SCN4B: variants seen among roughly 807,000 people sequenced by gnomAD.
SCN4B encodes sodium channel regulatory subunit beta-4.
In SCN4B, 20 loss-of-function variants were observed where a neutral mutation model predicts 19.6. The ratio of observed to expected loss-of-function variants is 1.02; its 90% CI spans 0.72 to 1.48. SCN4B has a LOEUF of 1.48. Ranked by LOEUF, SCN4B falls within the 40% of genes most tolerant of loss-of-function variation. The probability of loss-of-function intolerance (pLI) is 0.00; values close to 1 mark genes in which losing one functional copy is unlikely to be tolerated. For synonymous variants in SCN4B, 127 were observed against 122.8 expected, an observed-to-expected ratio of 1.03 and a Z score of -0.22; for missense variants, 271 against 287.5, an observed-to-expected ratio of 0.94 and a Z score of 0.42.
At chr11:118,138,231 C>T (rs967821472) in intron 4 of SCN4B, among the ~76,000 whole-genome samples, 6 of 152,200 alleles carry the variant, frequency 3.9e-5, no homozygotes, top group African/African-American at 9.7e-5. Context: ...TCACCCTGGG[C>T]TTGGGCAGCT....
Position 118,148,850 on chromosome 11 carries a change from TTTC to T in SCN4B, c.62-3624_62-3622del, listed in dbSNP as rs1161678681. On this transcript the variant is annotated intron_variant, in intron 1 of 4. Transcript: ENST00000324727. The surrounding 1 kb of genome is among the most constrained non-coding windows in gnomAD (Gnocchi z 4.0). The stretch of plus-strand genomic sequence containing the variant: ...AGTAAAGAAAGCCTTGCTTTGCTGT[TTTC>T]TAAAGTTAATTCTAGAATGTTAAAG... Among the ~76,000 whole-genome samples, 3 of 152,232 alleles carry T rather than the reference TTTC, an allele frequency of 2.0e-5. No individual in the cohort carries two copies. The highest frequency in any genetic ancestry group is 7.2e-5 in the African/African-American group (3 of 41,452).
At chr11:118,140,013 C>G (rs945791791) in intron 4 of SCN4B, among the ~76,000 whole-genome samples, 6 of 151,426 alleles carry the variant, frequency 4.0e-5, no homozygotes, top group Admixed American at 3.3e-4. Context: ...GCTGGGACTT[C>G]AGGCACACAC....
intron 2 of SCN4B, 117 bp downstream of exon 2, chr11:118,144,940 A>G: frequency 9.9e-7 from 1 of 1,007,150 alleles, no homozygotes; most frequent in South Asian, 1.3e-5. Flanking sequence ...AAAGGGTGGC[A>G]AAAGGTGGGT....
At position 118,137,037 on chromosome 11, in the gene SCN4B, G is replaced by A; in HGVS notation, c.677C>T (p.Ser226Leu). 6.2e-7 allele frequency: 1 copy of A among 1,612,922 alleles called. No homozygotes were observed. The highest frequency in any genetic ancestry group is 8.5e-7 in the Non-Finnish European group (1 of 1,178,870). The change falls in exon 5 of 5, where the codon TCA becomes TTA. Residue 226 changes from serine (S) to leucine (L), a missense_variant. By Grantham distance (145) the Ser-to-Leu change is moderately radical. Coordinates refer to ENST00000324727, the MANE Select transcript of SCN4B (RefSeq NM_174934.4). ...AGCCCGAAGCAGGGCTCACACTTTT[G>A]AAGGTGGTTTCTCCTCTGCCTTGGA... ...PGSKAEEKPP[S>L]KV
intron 1 of SCN4B, among the ~76,000 whole-genome samples, chr11:118,146,397 T>A (rs1591437533): frequency 6.6e-6 from 1 of 151,960 alleles, no homozygotes; most frequent in Non-Finnish European, 1.5e-5. Context: ...GGGGAGGGTG[T>A]CTGGAAGTGG....
At chr11:118,146,046 G>A (rs1192926159) in intron 1 of SCN4B, among the ~76,000 whole-genome samples, 1 of 152,110 alleles carries the variant, frequency 6.6e-6, no homozygotes, top group Non-Finnish European at 1.5e-5. Context: ...AGGGATTCCG[G>A]GCCAGCCCGA....
At position 118,134,808 on chromosome 11, in the gene SCN4B, CA is replaced by C. The variant is rs1947972644; in HGVS notation, c.*2218del. 2.2e-6 allele frequency: 1 copy of C among 453,992 alleles called. No individual in the cohort carries two copies. Among genetic ancestry groups the C allele is most frequent in the Admixed American group, 2.3e-5 (1 of 42,576 alleles). The allele number at this position is 453,992 out of a possible 1,614,324, so 28.1% of individuals were successfully genotyped here. A position where few individuals can be genotyped will look rare whatever the true frequency, so the allele number is the denominator to read the frequency against. On this transcript the variant is annotated 3_prime_UTR_variant, in exon 5 of 5. Coordinates refer to ENST00000324727, the MANE Select transcript of SCN4B (RefSeq NM_174934.4). ...TGGCTTCCCAGATCCCTTTCCAAGCCAAAAAGATGTTTTTAGACAAAACTTG... is the reference window on the plus strand; with the variant it reads ...TGGCTTCCCAGATCCCTTTCCAAGCCAAAAGATGTTTTTAGACAAAACTTG...
At chr11:118,137,392 C>T (rs1948030677) in intron 4 of SCN4B, among the ~76,000 whole-genome samples, 1 of 152,160 alleles carries the variant, frequency 6.6e-6, no homozygotes, top group Non-Finnish European at 1.5e-5. Context: ...CTCAACTGGC[C>T]AGGTGCGGTG....
At chr11:118,139,118 G>A (rs777590262) in intron 4 of SCN4B, among the ~76,000 whole-genome samples, 1 of 151,972 alleles carries the variant, frequency 6.6e-6, no homozygotes, top group Admixed American at 6.6e-5. Flanking sequence ...TCACAGCCTC[G>A]ACTCCCAGGT....
rs1411790797 is a variant in SCN4B, at chr11:118,141,206, C to T, written c.593+1G>A. Reference sequence around the variant, plus strand: ...CAGGAGTGTGCTCCAGATCAACTCACTTCTTCTCCCGAGTCTTCTTCAGGA... The same window carrying T: ...CAGGAGTGTGCTCCAGATCAACTCATTTCTTCTCCCGAGTCTTCTTCAGGA... On this transcript the variant is annotated splice_donor_variant, in intron 4 of 4. Coordinates refer to ENST00000324727, the MANE Select transcript of SCN4B (RefSeq NM_174934.4). LOFTEE classifies it high-confidence loss of function. 6.2e-7 allele frequency: 1 copy of T among 1,612,964 alleles called. No homozygotes were observed. The highest frequency in any genetic ancestry group is 1.1e-5 in the South Asian group (1 of 91,008).
rs765831490 is a variant in SCN4B at position 118,136,044 on chromosome 11, G to GC, written c.*982_*983insG. The GC allele has an allele frequency of 2.7e-4, 117 of 436,108 alleles. 3 individuals are homozygous for GC. Among genetic ancestry groups the GC allele is most frequent in the South Asian group, 1.9e-3 (115 of 62,088 alleles). The allele number at this position is 436,108 out of a possible 1,614,324, so 27.0% of individuals were successfully genotyped here. On this transcript the variant is annotated 3_prime_UTR_variant, in exon 5 of 5. Transcript: ENST00000324727. ...GCGTGATGGAGGGCACGGTGGGGGG[G>GC]GGGGAGCGAGCCAATGGGAGGTTGG...
rs112363898 is a variant in SCN4B, at chr11:118,145,097, T to A, written c.194A>T (p.His65Leu). ...ACTGCTGTTGTAGGTCCACCGGAAGTGGAGGTCCTCGAAGCCAAAGCAGCT... is the reference window on the plus strand; with the variant it reads ...ACTGCTGTTGTAGGTCCACCGGAAGAGGAGGTCCTCGAAGCCAAAGCAGCT... ...FSSCFGFEDL[H>L]FRWTYNSSDA... Residue 65 changes from histidine to leucine, a missense_variant, in exon 2 of 5, where the codon CAC becomes CTC. By Grantham distance (99) the His-to-Leu change is moderately conservative. Transcript: ENST00000324727. 318 of 1,613,998 alleles carry A rather than the reference T, an allele frequency of 2.0e-4. 1 individual carries two copies. Among genetic ancestry groups the A allele is most frequent in the Middle Eastern group, 1.2e-3 (7 of 6,082 alleles).
chr11:118,151,704 C>T (rs983911488), intron 1 of SCN4B, among the ~76,000 whole-genome samples: 1 of 152,172 alleles, frequency 6.6e-6, no homozygotes, highest in Non-Finnish European at 1.5e-5. Context: ...TGCCAAAAGC[C>T]AAATCTGACC....
At chr11:118,152,539 T>C (rs1948244519) in intron 1 of SCN4B, 74 bp downstream of exon 1, 8 of 1,307,324 alleles carry the variant, frequency 6.1e-6, no homozygotes. Flanking sequence ...ATCCAAGGCA[T>C]CTTCCTTCTC....
intron 3 of SCN4B, 50 bp from the exon 4 acceptor site, chr11:118,141,386 T>C: frequency 6.2e-7 from 1 of 1,610,434 alleles, no homozygotes; most frequent in Non-Finnish European, 8.5e-7. Context: ...GGAGCAAGAG[T>C]CAACCTGGAG....
chr11:118,152,154 C>A (rs1371214556), intron 1 of SCN4B, among the ~76,000 whole-genome samples: 1 of 152,152 alleles, frequency 6.6e-6, no homozygotes, highest in Admixed American at 6.5e-5. Context: ...GGGACTCCCC[C>A]ACCCCCAACT....
intron 4 of SCN4B, among the ~76,000 whole-genome samples, chr11:118,139,854 C>A (rs139622900): frequency 6.7e-6 from 1 of 149,752 alleles, no homozygotes; most frequent in East Asian, 2.0e-4. Context: ...ATCTCCTGTT[C>A]TGCCAGTGCC....
At position 118,134,427 on chromosome 11, in the gene SCN4B, G is replaced by A. The variant is rs910217073; in HGVS notation, c.*2600C>T. 2.2e-6 allele frequency: 1 copy of A among 454,096 alleles called. No individual in the cohort carries two copies. The highest frequency in any genetic ancestry group is 2.3e-5 in the Admixed American group (1 of 42,566). The allele number at this position is 454,096 out of a possible 1,614,324, so 28.1% of individuals were successfully genotyped here. Reference sequence around the variant, plus strand: ...GATAGCTTTGCCCATATACATCCTAGTGCAAATCCATGCCAGTGTTTCTCC... The same window carrying A: ...GATAGCTTTGCCCATATACATCCTAATGCAAATCCATGCCAGTGTTTCTCC... On this transcript the variant is annotated 3_prime_UTR_variant, in exon 5 of 5. Coordinates refer to ENST00000324727, the MANE Select transcript of SCN4B (RefSeq NM_174934.4).
chr11:118,136,905 A>G lies in SCN4B; in HGVS notation c.*122T>C. 1.3e-6 allele frequency: 1 copy of G among 743,000 alleles called. No homozygotes were observed. 46.0% of individuals were successfully genotyped at this position (743,000 alleles called of 1,614,324 possible). A position where few individuals can be genotyped will look rare whatever the true frequency, so the allele number is the denominator to read the frequency against. ...AGGACTCTGGTTTCTTGTGCCCGGAAAGACTACAGTTTGAGCCAAGCAGCA... is the reference window on the plus strand; with the variant it reads ...AGGACTCTGGTTTCTTGTGCCCGGAGAGACTACAGTTTGAGCCAAGCAGCA... On this transcript the variant is annotated 3_prime_UTR_variant, in exon 5 of 5. Transcript: ENST00000324727.
Sources: allele counts gnomAD v4.1 joint callset (sites outside exome capture counted in the v4.1 genomes callset), GRCh38; gene constraint gnomAD v4.1.1; non-coding constraint Gnocchi (gnomAD v3.1); transcripts MANE v1.5; gene names NCBI Gene and HGNC (gene_info 2026-07-23, HGNC 2026-07-21).